The following PLD5 variants were observed in gnomAD, a reference collection of about 807,000 sequenced individuals.
The protein encoded by PLD5 is phospholipase D family member 5.
In PLD5, 36 loss-of-function variants were observed where a neutral mutation model predicts 61.1. The ratio of observed to expected loss-of-function variants is 0.59; its 90% CI spans 0.45 to 0.78. The LOEUF (loss-of-function observed/expected upper bound fraction) is 0.78. Among genes scored for constraint, PLD5 ranks in the 30% least tolerant of loss-of-function variants. PLD5 has a pLI of 0.00. For synonymous variants in PLD5, 243 were observed against 242.8 expected (o/e 1.00, Z -0.01); for missense variants, 515 against 644.4 (o/e 0.80, Z 2.17).
chr1:242,206,059 G>A (rs904536688), intron 5 of PLD5, among the ~76,000 whole-genome samples: 5 of 152,330 alleles, frequency 3.3e-5, no homozygotes, highest in Middle Eastern at 3.4e-3. Flanking sequence ...AGAAATAGCA[G>A]CTATGATGAA....
intron 5 of PLD5, among the ~76,000 whole-genome samples, chr1:242,212,869 G>A (rs552419553): frequency 2.6e-5 from 4 of 152,128 alleles, no homozygotes; most frequent in Admixed American, 1.3e-4. Flanking sequence ...TACCCCTGAC[G>A]TGGCTCTTTC....
At chr1:242,164,403 TA>T (rs34240432) in intron 5 of PLD5, among the ~76,000 whole-genome samples, 60,494 of 149,656 alleles carry the variant, frequency 0.4, 12,330 homozygotes, top group East Asian at 0.5. Context: ...TGACAAATAT[TA>T]AAAAAAAAAA....
At chr1:242,295,908 T>A (rs1009622491) in intron 2 of PLD5, among the ~76,000 whole-genome samples, 87 of 152,236 alleles carry the variant, frequency 5.7e-4, no homozygotes, top group Non-Finnish European at 1.9e-4. Flanking sequence ...TATATTTTTA[T>A]AAAATATGAT....
intron 6 of PLD5, among the ~76,000 whole-genome samples, chr1:242,122,329 T>C (rs1240917348): frequency 6.6e-6 from 1 of 152,252 alleles, no homozygotes; most frequent in East Asian, 1.9e-4. Flanking sequence ...AGTATGTAAA[T>C]GTATGCAACA....
At chr1:242,409,065 C>CA (rs376493644) in intron 1 of PLD5, among the ~76,000 whole-genome samples, 84 of 138,968 alleles carry the variant, frequency 6.0e-4, no homozygotes, top group African/African-American at 1.4e-3. Context: ...AGACTCCTCT[C>CA]AAAAAAAAAA....
chr1:242,112,005 G>C (rs965011742), intron 7 of PLD5, among the ~76,000 whole-genome samples: 1 of 151,990 alleles, frequency 6.6e-6, no homozygotes, highest in African/African-American at 2.4e-5. Context: ...TCTCAATTTT[G>C]TTCATAGAAC....
At chr1:242,461,807 G>A (rs1332643078) in intron 1 of PLD5, among the ~76,000 whole-genome samples, 1 of 152,122 alleles carries the variant, frequency 6.6e-6, no homozygotes, top group Non-Finnish European at 1.5e-5. Flanking sequence ...ATGGTATCTG[G>A]TTGTGGTTTT....
In PLD5 at chr1:242,124,624, C is replaced by T. The variant is rs1479930740; in HGVS notation, c.777G>A (p.Leu259=). ...LGVIFYNCSC[L]VLDLQRIFAL... is the part of the protein sequence containing the mutation. ...CAAATATCCTTTGTAAATCTAGGAC[C>T]AGGCAGCTGCAGTTGTAGAAGATGA... Residue 259 remains leucine, a synonymous_variant, in exon 6 of 10, where the codon CTG becomes CTA. Coordinates refer to ENST00000536534, the MANE Select transcript of PLD5 (RefSeq NM_001372062.1). The T allele has an allele frequency of 1.9e-6, 3 of 1,613,852 alleles. No individual in the cohort carries two copies. Among genetic ancestry groups the T allele is most frequent in the Non-Finnish European group, 2.5e-6 (3 of 1,179,900 alleles).
At chr1:242,152,446 G>T (rs1445246240) in intron 5 of PLD5, among the ~76,000 whole-genome samples, 1 of 151,942 alleles carries the variant, frequency 6.6e-6, no homozygotes. Flanking sequence ...ATGGTGGTTT[G>T]GTGCACCCAT....
At chr1:242,113,082 C>CTT (rs1661654787) in intron 7 of PLD5, among the ~76,000 whole-genome samples, 1 of 90,706 alleles carries the variant, frequency 1.1e-5, no homozygotes. Context: ...TTCTCTCTCT[C>CTT]TCTTTTTTTT....
chr1:242,312,816 G>A (rs1412397617), intron 2 of PLD5, among the ~76,000 whole-genome samples: 1 of 152,308 alleles, frequency 6.6e-6, no homozygotes, highest in Non-Finnish European at 1.5e-5. Context: ...GAGTAAAAAT[G>A]CAATAAAATT....
intron 2 of PLD5, among the ~76,000 whole-genome samples, chr1:242,334,845 C>T (rs1431013610): frequency 6.6e-6 from 1 of 152,178 alleles, no homozygotes; most frequent in African/African-American, 2.4e-5. Flanking sequence ...GCCGTAGAAA[C>T]AAACTTTACT....
At chr1:242,389,741 T>C (rs1572037168) in intron 1 of PLD5, among the ~76,000 whole-genome samples, 3 of 152,040 alleles carry the variant, frequency 2.0e-5, no homozygotes. Flanking sequence ...GTGACCAGAC[T>C]TAGGATTCAT....
chr1:242,284,863 G>C (rs1370757969), intron 3 of PLD5, among the ~76,000 whole-genome samples: 1 of 152,094 alleles, frequency 6.6e-6, no homozygotes, highest in East Asian at 1.9e-4. Context: ...AGCAGATAAA[G>C]CCCCTCTATC....
At chr1:242,271,508 A>G (rs1216165748) in intron 3 of PLD5, among the ~76,000 whole-genome samples, 1 of 152,210 alleles carries the variant, frequency 6.6e-6, no homozygotes, top group Non-Finnish European at 1.5e-5. Flanking sequence ...ATAGTTACCC[A>G]TCAAGGAAAA....
At chr1:242,295,529 A>T (rs1421832297) in intron 2 of PLD5, among the ~76,000 whole-genome samples, 1 of 152,096 alleles carries the variant, frequency 6.6e-6, no homozygotes, top group Non-Finnish European at 1.5e-5. Context: ...CATTTTCTTT[A>T]TCCAGTGTAC....
chr1:242,322,852 T>C (rs1658508406), intron 2 of PLD5, among the ~76,000 whole-genome samples: 1 of 152,172 alleles, frequency 6.6e-6, no homozygotes, highest in South Asian at 2.1e-4. Context: ...AACTACCCAG[T>C]CTCAGGTAGT....
intron 1 of PLD5, among the ~76,000 whole-genome samples, chr1:242,466,586 C>T (rs1372706165): frequency 2.0e-5 from 3 of 152,166 alleles, no homozygotes; most frequent in South Asian, 2.1e-4. Flanking sequence ...ACGCTGCATG[C>T]TCTTACTTAT....
chr1:242,233,680 C>G (rs1671455265), intron 4 of PLD5, among the ~76,000 whole-genome samples: 1 of 152,142 alleles, frequency 6.6e-6, no homozygotes, highest in African/African-American at 2.4e-5. Context: ...TGTTCATTAT[C>G]TCCAGCAAGT....
Sources: allele counts gnomAD v4.1 joint callset (sites outside exome capture counted in the v4.1 genomes callset), GRCh38; gene constraint gnomAD v4.1.1; transcripts MANE v1.5; gene names NCBI Gene and HGNC (gene_info 2026-07-23, HGNC 2026-07-21).